GATA4: variants seen among roughly 807,000 people sequenced by gnomAD.
GATA4 encodes GATA binding protein 4, also known as transcription factor GATA-4.
A neutral mutation model predicts 37.9 loss-of-function variants in GATA4; 7 were observed. The observed-to-expected ratio is 0.18, with a 90% CI of 0.11 to 0.35. The LOEUF (loss-of-function observed/expected upper bound fraction) is 0.35. GATA4 is among the 10% of genes least tolerant of loss of function. GATA4 has a pLI of 1.00. For synonymous variants in GATA4, 372 were observed against 292.6 expected (o/e 1.27, Z -2.77); for missense variants, 647 against 653.0 (o/e 0.99, Z 0.10).
chr8:11,683,105 G>C (rs763671244), intron 1 of GATA4: 5 of 985,420 alleles, frequency 5.1e-6, no homozygotes, highest in Non-Finnish European at 6.0e-6. Context: ...GATTGCCTTG[G>C]AAAGCTCTTG....
intron 1 of GATA4, among the ~76,000 whole-genome samples, chr8:11,684,579 T>C (rs1799080996): frequency 6.6e-6 from 1 of 152,250 alleles, no homozygotes; most frequent in South Asian, 2.1e-4. Context: ...TAGAATGTTG[T>C]GATTTGAATT....
At chr8:11,731,464 C>G (rs1164732101) in intron 2 of GATA4, among the ~76,000 whole-genome samples, 2 of 152,210 alleles carry the variant, frequency 1.3e-5, no homozygotes, top group Non-Finnish European at 2.9e-5. Flanking sequence ...CTAAGTGAAA[C>G]AAGCCAGTCA....
At chr8:11,680,217 C>T (rs1798911646) in intron 1 of GATA4, among the ~76,000 whole-genome samples, 1 of 152,246 alleles carries the variant, frequency 6.6e-6, no homozygotes, top group South Asian at 2.1e-4. Context: ...TCCCGACCCC[C>T]GGCTCAATCT....
At chr8:11,752,846 A>T (rs1802368012) in intron 4 of GATA4, among the ~76,000 whole-genome samples, 1 of 152,250 alleles carries the variant, frequency 6.6e-6, no homozygotes, top group Non-Finnish European at 1.5e-5. Flanking sequence ...TATTTCTACA[A>T]AGCATGTATA....
chr8:11,703,804 C>G (rs878903138), upstream of GATA4, among the ~76,000 whole-genome samples: 1 of 152,244 alleles, frequency 6.6e-6, no homozygotes, highest in African/African-American at 2.4e-5. Flanking sequence ...GTGCCCCACA[C>G]AAGATCGAGA....
intron 4 of GATA4, 28 bp from the exon 5 acceptor site, chr8:11,755,018 C>G: frequency 6.4e-7 from 1 of 1,571,122 alleles, no homozygotes; most frequent in Non-Finnish European, 8.8e-7. Context: ...AAATGGAAAA[C>G]CCTATATATT....
chr8:11,715,904 C>G (rs1265092185), intron 2 of GATA4, among the ~76,000 whole-genome samples: 1 of 152,146 alleles, frequency 6.6e-6, no homozygotes, highest in African/African-American at 2.4e-5. Flanking sequence ...AACCCCCATT[C>G]TATTTTCTTT....
In GATA4 at chr8:11,759,222, C is replaced by G. The variant is rs1802762691; in HGVS notation, c.*747C>G. On this transcript the variant is annotated 3_prime_UTR_variant, in exon 7 of 7. Transcript: ENST00000532059. Reference sequence around the variant, plus strand: ...CAGCTTGTACATGTCTCTCCCCTGGCAAAACAAGAGCTGGGTAGTTTAGCC... The same window carrying G: ...CAGCTTGTACATGTCTCTCCCCTGGGAAAACAAGAGCTGGGTAGTTTAGCC... 2 of 153,902 alleles carry G rather than the reference C, an allele frequency of 1.3e-5. No homozygotes were observed. Among genetic ancestry groups the G allele is most frequent in the African/African-American group, 2.4e-5 (1 of 41,474 alleles). The allele number at this position is 153,902 out of a possible 1,614,324, so 9.5% of individuals were successfully genotyped here. A position where few individuals can be genotyped will look rare whatever the true frequency, so the allele number is the denominator to read the frequency against.
chr8:11,717,086 A>T (rs753484219), intron 2 of GATA4, among the ~76,000 whole-genome samples: 4 of 152,344 alleles, frequency 2.6e-5, no homozygotes, highest in Non-Finnish European at 4.4e-5. Flanking sequence ...TCGCTCTGCT[A>T]TATTGACCTC....
At chr8:11,754,741 C>A (rs1025339163) in intron 4 of GATA4, among the ~76,000 whole-genome samples, 3 of 152,180 alleles carry the variant, frequency 2.0e-5, no homozygotes, top group Admixed American at 2.0e-4. Context: ...ACATCACCGA[C>A]CAGAGTCTGG....
intron 2 of GATA4, among the ~76,000 whole-genome samples, chr8:11,730,737 A>G (rs768975746): frequency 1.1e-4 from 16 of 152,284 alleles, no homozygotes; most frequent in Non-Finnish European, 1.9e-4. Context: ...TTGTTTTGTT[A>G]TTTATTCCAG....
At chr8:11,735,627 A>G (rs941534720) in intron 2 of GATA4, among the ~76,000 whole-genome samples, 2 of 151,864 alleles carry the variant, frequency 1.3e-5, no homozygotes, top group Non-Finnish European at 2.9e-5. Flanking sequence ...CAATGGTGCA[A>G]TCTCGGCTCA....
upstream of GATA4, chr8:11,704,048 C>G (rs973446020): frequency 6.6e-6 from 1 of 152,292 alleles, no homozygotes; most frequent in Non-Finnish European, 1.5e-5. Context: ...TGGACTTTGC[C>G]TGCTGGGGGA....
upstream of GATA4, chr8:11,692,117 G>A (rs1429080919): frequency 2.3e-6 from 2 of 872,462 alleles, no homozygotes; most frequent in Middle Eastern, 1.2e-3. Flanking sequence ...CAGGAGCTCG[G>A]GCCACCTGTT....
At chr8:11,713,402 G>T (rs562046555) in intron 2 of GATA4, among the ~76,000 whole-genome samples, 1 of 152,276 alleles carries the variant, frequency 6.6e-6, no homozygotes, top group Admixed American at 6.5e-5. Flanking sequence ...TTTGCGTAGG[G>T]ATCTTGGTGG....
chr8:11,708,741 G>A lies in GATA4; in HGVS notation c.429G>A (p.Leu143=). The A allele has an allele frequency of 7.5e-7, 1 of 1,324,564 alleles. No homozygotes were observed. The highest frequency in any genetic ancestry group is 9.6e-7 in the Non-Finnish European group (1 of 1,044,570). The allele number at this position is 1,324,564 out of a possible 1,614,324, so 82.1% of individuals were successfully genotyped here. A position where few individuals can be genotyped will look rare whatever the true frequency, so the allele number is the denominator to read the frequency against. Residue 143 remains leucine (L), a synonymous_variant, in exon 2 of 7, where the codon CTG becomes CTA. Coordinates refer to ENST00000532059, the MANE Select transcript of GATA4 (RefSeq NM_001308093.3). The surrounding 1 kb of genome is among the most constrained non-coding windows in gnomAD (Gnocchi z 6.7). ...GCGGCGGAGCGGCGGGTGCGGGCCT[G>A]GCGGGCCGCGAGCAGTACGGGCGCG... ...SSGGGAAGAG[L]AGREQYGRAG... is the part of the protein sequence containing the mutation.
intron 2 of GATA4, among the ~76,000 whole-genome samples, chr8:11,713,646 A>T (rs1482497025): frequency 6.6e-6 from 1 of 152,138 alleles, no homozygotes; most frequent in African/African-American, 2.4e-5. Flanking sequence ...GCAAAAAAAA[A>T]AAAGAAAAAA....
chr8:11,696,418 C>T (rs1799510762), intron 1 of GATA4, among the ~76,000 whole-genome samples: 1 of 28,104 alleles, frequency 3.6e-5, no homozygotes, highest in African/African-American at 1.6e-4. Context: ...ATTCGAGATT[C>T]ATTAGTGTTG....
At chr8:11,695,542 G>A (rs1193675743) in intron 1 of GATA4, among the ~76,000 whole-genome samples, 1 of 152,140 alleles carries the variant, frequency 6.6e-6, no homozygotes, top group African/African-American at 2.4e-5. Context: ...TACGCTCAAG[G>A]GGCCAAAGCG....
Sources: gnomAD v4.1 joint callset for allele counts (sites outside exome capture counted in the v4.1 genomes callset) on GRCh38, gnomAD v4.1.1 for gene constraint, Gnocchi (gnomAD v3.1) non-coding constraint, MANE v1.5 for transcripts, NCBI Gene and HGNC (gene_info 2026-07-23, HGNC 2026-07-21) for gene names.